The following MROH1 variants were observed in gnomAD, a reference collection of about 807,000 sequenced individuals.
MROH1 encodes the protein maestro heat like repeat family member 1, also known as maestro heat-like repeat-containing protein family member 1.
MROH1 carries 117 observed loss-of-function variants against 116.5 expected under a neutral mutation model. The ratio of observed to expected loss-of-function variants is 1.00; its 90% CI spans 0.86 to 1.17. MROH1 has a LOEUF of 1.17. MROH1 is among the 50% of genes most tolerant of loss of function. The pLI, the probability that MROH1 is intolerant of heterozygous loss-of-function variation, is 0.00. For missense variants in MROH1, 1,873 were observed against 1,338.5 expected (o/e 1.40, Z -6.23); for synonymous variants, 921 against 583.9 (o/e 1.58, Z -8.32).
chr8:144,212,901 T>TA lies in MROH1; in HGVS notation c.1142-7698dup, dbSNP rs1834456726. On this transcript the variant is annotated intron_variant, in intron 12 of 43. Coordinates refer to ENST00000326134, the MANE Select transcript of MROH1 (RefSeq NM_032450.3). ...CCACCGCATCTAACCTCTTTTCTGT[T>TA]ACGTCTCTATCTCTGTTCTCAGGAA... The TA allele has an allele frequency of 7.3e-6, 5 of 684,474 alleles. No individual in the cohort carries two copies. In the Admixed American group the frequency reaches 7.7e-5, roughly 11 times the overall value. 42.4% of individuals were successfully genotyped at this position (684,474 alleles called of 1,614,324 possible).
rs1288154343 is a variant in MROH1 at position 144,260,010 on chromosome 8, C to G, written c.4144C>G (p.Leu1382Val). The change falls in exon 38 of 44, where the codon CTG (leucine) becomes GTG (valine). Residue 1382 changes from leucine (L) to valine (V), a missense_variant. Transcript: ENST00000326134. ...GGACACATGCGCCAGCGTGCGGAGG[C>G]TGGTGCTCCGCGGCCTGGCCAACCT... Reference protein sequence around the residue: ...QKDTCASVRRLVLRGLANLAS... With the variant: ...QKDTCASVRRVVLRGLANLAS... 3 of 729,656 alleles carry G rather than the reference C, an allele frequency of 4.1e-6. No individual in the cohort carries two copies. In the African/African-American group the frequency reaches 5.2e-5, roughly 13 times the overall value. The allele number at this position is 729,656 out of a possible 1,614,324, so 45.2% of individuals were successfully genotyped here. A position where few individuals can be genotyped will look rare whatever the true frequency, so the allele number is the denominator to read the frequency against.
chr8:144,252,503 C>G (rs1268571216), intron 33 of MROH1: 3 of 152,108 alleles, frequency 2.0e-5, no homozygotes, highest in African/African-American at 7.2e-5. Context: ...CCCGTCTCTA[C>G]TAAAAATATA....
chr8:144,244,432 C>T lies in MROH1; in HGVS notation c.2671-12C>T. ...TCACTGGTGGGGCTGGACGGCCTGG[C>T]TCTCCTTCCAGTCCCTGTATCTGGA... On this transcript the variant is annotated splice_polypyrimidine_tract_variant and intron_variant, in intron 27 of 43. Transcript: ENST00000326134. The T allele has an allele frequency of 2.7e-6, 2 of 748,932 alleles. No individual in the cohort carries two copies. The highest frequency in any genetic ancestry group is 1.8e-5 in the Admixed American group (1 of 54,652). The allele number at this position is 748,932 out of a possible 1,614,324, so 46.4% of individuals were successfully genotyped here.
chr8:144,198,115 T>G (rs1220792107), intron 10 of MROH1, among the ~76,000 whole-genome samples: 9 of 151,540 alleles, frequency 5.9e-5, no homozygotes, highest in Admixed American at 5.9e-4. Flanking sequence ...AGCCGAGCCC[T>G]GGGGCCAGCT....
chr8:144,206,683 C>A (rs1832885196), intron 12 of MROH1, among the ~76,000 whole-genome samples: 1 of 151,298 alleles, frequency 6.6e-6, no homozygotes, highest in Non-Finnish European at 1.5e-5. Flanking sequence ...CTCGGTCTCC[C>A]AAAGTGCTGG....
rs1055121048 is a variant in MROH1 at position 144,242,362 on chromosome 8, C to T, written c.2179-7C>T. On this transcript the variant is annotated splice_region_variant and splice_polypyrimidine_tract_variant and intron_variant, in intron 22 of 43. Coordinates refer to ENST00000326134, the MANE Select transcript of MROH1 (RefSeq NM_032450.3). ...CTGAAGTCCCGCTGGTTCCTCTGGC[C>T]TCTCAGGATCGAAGTGAGAACGAAG... 8.7e-5 allele frequency: 68 copies of T among 780,588 alleles called. No homozygotes were observed. Among genetic ancestry groups the T allele is most frequent in the Non-Finnish European group, 1.6e-4 (65 of 417,842 alleles). 48.4% of individuals were successfully genotyped at this position (780,588 alleles called of 1,614,324 possible).
At chr8:144,225,229 T>C in intron 14 of MROH1, among the ~76,000 whole-genome samples, 1 of 152,122 alleles carries the variant, frequency 6.6e-6, no homozygotes, top group East Asian at 1.9e-4. Context: ...CATTTTCAAA[T>C]TGGGTTGTTT....
At chr8:144,213,149 C>T (rs750523468) in intron 12 of MROH1, 1 of 754,656 alleles carries the variant, frequency 1.3e-6, no homozygotes, top group East Asian at 2.5e-5. Flanking sequence ...ATCCCGTGCT[C>T]TCCCTTCTCT....
At chr8:144,234,513 T>TGTTTTTTTTTTTTTTTG (rs1839665358) in intron 14 of MROH1, among the ~76,000 whole-genome samples, 1 of 72,576 alleles carries the variant, frequency 1.4e-5, no homozygotes, top group South Asian at 5.6e-4. Flanking sequence ...TTTTTTTTTT[T>TGTTTTTTTTTTTTTTTG]TTTTTTTTTT....
chr8:144,200,429 C>G lies in MROH1; in HGVS notation c.1029C>G (p.Ala343=). The change falls in exon 12 of 44, where the codon GCC becomes GCG. Residue 343 remains alanine (A), a splice_region_variant and synonymous_variant. Coordinates refer to ENST00000326134, the MANE Select transcript of MROH1 (RefSeq NM_032450.3). The part of the protein sequence containing the change: ...KEVLRCFTVL[A]CSSPDRLLAF... ...TAATCTGTACCCGTTGCCCTGTAGC[C>G]TGCAGCTCGCCTGACCGCCTACTGG... is the stretch of plus-strand genomic sequence containing the variant. 1 of 1,548,334 alleles carries G rather than the reference C, an allele frequency of 6.5e-7. No homozygotes were observed. Among genetic ancestry groups the G allele is most frequent in the East Asian group, 2.4e-5 (1 of 40,932 alleles).
chr8:144,240,768 C>T (rs1172410690), intron 20 of MROH1, 91 bp downstream of exon 20: 4 of 696,248 alleles, frequency 5.7e-6, no homozygotes, highest in South Asian at 1.5e-5. Flanking sequence ...CCCTGTCTCC[C>T]GTGGCCCTGG....
Position 144,250,324 on chromosome 8 carries a change from C to T in MROH1, c.3386C>T (p.Ala1129Val). 1.3e-6 allele frequency: 1 copy of T among 767,826 alleles called. No individual in the cohort carries two copies. Among genetic ancestry groups the T allele is most frequent in the South Asian group, 1.4e-5 (1 of 73,032 alleles). The allele number at this position is 767,826 out of a possible 1,614,324, so 47.6% of individuals were successfully genotyped here. A position where few individuals can be genotyped will look rare whatever the true frequency, so the allele number is the denominator to read the frequency against. ...VYLLATQHCA[A>V]VVSSLLGSPL... Reference sequence around the variant, plus strand: ...CTCCTGGCCACCCAGCACTGCGCAGCCGTGGTGTCCAGCCTCCTGGGCAGC... The same window carrying T: ...CTCCTGGCCACCCAGCACTGCGCAGTCGTGGTGTCCAGCCTCCTGGGCAGC... Residue 1129 changes from alanine (A) to valine (V), a missense_variant, in exon 33 of 44, where the codon GCC becomes GTC. Coordinates refer to ENST00000326134, the MANE Select transcript of MROH1 (RefSeq NM_032450.3).
chr8:144,204,741 T>C (rs1832462611), intron 12 of MROH1, among the ~76,000 whole-genome samples: 1 of 152,248 alleles, frequency 6.6e-6, no homozygotes, highest in South Asian at 2.1e-4. Context: ...TTATTTTCAC[T>C]CCCGTGAAGG....
At chr8:144,236,221 G>T (rs1476301006) in intron 14 of MROH1, among the ~76,000 whole-genome samples, 2 of 152,114 alleles carry the variant, frequency 1.3e-5, no homozygotes, top group African/African-American at 2.4e-5. Context: ...TTTGATCCAG[G>T]TGATGCAGTT....
rs1374472505 is a variant in MROH1, at chr8:144,168,354, G to T, written c.82G>T (p.Val28Phe). The T allele has an allele frequency of 2.5e-6, 4 of 1,610,966 alleles. No individual in the cohort carries two copies. The highest frequency in any genetic ancestry group is 1.1e-5 in the South Asian group (1 of 91,074). The change falls in exon 4 of 44, where the codon GTC becomes TTC. Residue 28 changes from valine to phenylalanine, a missense_variant. Transcript: ENST00000326134. Reference protein sequence around the residue: ...TDKDPLVQEQVCSALCSLGEA... With the variant: ...TDKDPLVQEQFCSALCSLGEA... ...TAAGGACCCCCTGGTGCAGGAGCAG[G>T]TCTGCAGTGCCCTGTGCTCCCTCGG...
At position 144,180,203 on chromosome 8, in the gene MROH1, C is replaced by T. The variant is rs201360009; in HGVS notation, c.326C>T (p.Ala109Val). Residue 109 changes from alanine to valine, a missense_variant, in exon 6 of 44, where the codon GCG becomes GTG. Ala to Val is a moderately conservative substitution (Grantham distance 64). Transcript: ENST00000326134. This position sits in a 1 kb window ranked among gnomAD's most constrained non-coding sequence, Gnocchi z 7.4. ...GACCTGGTCTGGGACTGGCAGCAGG[C>T]GGCGAGTGGCGTCCTGGTGGCCGTG... ...TKDLVWDWQQAASGVLVAVGR... is the reference protein window; with the variant it reads ...TKDLVWDWQQVASGVLVAVGR... 2.0e-5 allele frequency: 32 copies of T among 1,613,810 alleles called. No homozygotes were observed. The highest frequency in any genetic ancestry group is 2.5e-5 in the Non-Finnish European group (29 of 1,179,834).
intron 10 of MROH1, among the ~76,000 whole-genome samples, chr8:144,194,144 C>T (rs1007315428): frequency 3.3e-5 from 5 of 152,140 alleles, no homozygotes; most frequent in Admixed American, 1.3e-4. Flanking sequence ...CTCACTGCAA[C>T]CTCCGCCTCC....
chr8:144,234,541 GA>G (rs1277284502), intron 14 of MROH1, among the ~76,000 whole-genome samples: 1 of 32,130 alleles, frequency 3.1e-5, no homozygotes, highest in Non-Finnish European at 6.7e-5. Flanking sequence ...TTTTCAAAAA[GA>G]GTCTTGCTCT....
chr8:144,171,488 T>A (rs6995612), intron 4 of MROH1, among the ~76,000 whole-genome samples: 2 of 152,122 alleles, frequency 1.3e-5, no homozygotes, highest in Non-Finnish European at 1.5e-5. Context: ...TCAGTTGCGC[T>A]CATGCTCACT....
Sources: gnomAD v4.1 joint callset for allele counts (sites outside exome capture counted in the v4.1 genomes callset) on GRCh38, gnomAD v4.1.1 for gene constraint, Gnocchi (gnomAD v3.1) non-coding constraint, MANE v1.5 for transcripts, NCBI Gene and HGNC (gene_info 2026-07-23, HGNC 2026-07-21) for gene names.